PIAS1: variants seen among roughly 807,000 people sequenced by gnomAD.
PIAS1 encodes the protein protein inhibitor of activated STAT 1.
Under a neutral mutation model 71.3 loss-of-function variants are expected in PIAS1, and 6 were observed. The observed-to-expected ratio is 0.08, with a 90% confidence interval of 0.05 to 0.17. The LOEUF (loss-of-function observed/expected upper bound fraction) is 0.17. Among genes scored for constraint, PIAS1 ranks in the 10% least tolerant of loss-of-function variants. PIAS1 has a pLI of 1.00. For synonymous variants in PIAS1, 303 were observed against 292.9 expected, an observed-to-expected ratio of 1.03 and a Z score of -0.35; for missense variants, 555 against 793.6, an observed-to-expected ratio of 0.70 and a Z score of 3.61.
chr15:68,098,538 T>C (rs1210584369), intron 2 of PIAS1, among the ~76,000 whole-genome samples: 2 of 152,188 alleles, frequency 1.3e-5, no homozygotes, highest in African/African-American at 4.8e-5. Context: ...AATTTTTTGA[T>C]TGTTTTTAAA....
At chr15:68,102,023 A>T (rs566007541) in intron 2 of PIAS1, among the ~76,000 whole-genome samples, 1 of 152,364 alleles carries the variant, frequency 6.6e-6, no homozygotes, top group African/African-American at 2.4e-5. Flanking sequence ...GGCGTGAGCC[A>T]CAGTGCCTAG....
chr15:68,075,084 T>C (rs1046216405), intron 1 of PIAS1, among the ~76,000 whole-genome samples: 5 of 134,530 alleles, frequency 3.7e-5, no homozygotes, highest in East Asian at 2.1e-4. Flanking sequence ...CTTTCTTTTT[T>C]TTTTTTTTTT....
chr15:68,072,000 G>A (rs2092102081), intron 1 of PIAS1, among the ~76,000 whole-genome samples: 1 of 151,726 alleles, frequency 6.6e-6, no homozygotes, highest in African/African-American at 2.4e-5. Flanking sequence ...TGAAGCAAGG[G>A]TAACAGCATG....
intron 2 of PIAS1, among the ~76,000 whole-genome samples, chr15:68,137,577 T>C (rs2092742443): frequency 6.6e-6 from 1 of 152,048 alleles, no homozygotes; most frequent in Non-Finnish European, 1.5e-5. Flanking sequence ...AATAAACCTA[T>C]GTTATGAGAG....
intron 6 of PIAS1, among the ~76,000 whole-genome samples, chr15:68,151,938 A>ATTTTTT (rs1567065720): frequency 1.6e-4 from 6 of 37,378 alleles, no homozygotes; most frequent in East Asian, 1.0e-3. Context: ...AAAATTTAGG[A>ATTTTTT]ATTTTTTTTT....
chr15:68,076,592 G>A (rs2092168250), intron 1 of PIAS1, among the ~76,000 whole-genome samples: 1 of 152,166 alleles, frequency 6.6e-6, no homozygotes, highest in Non-Finnish European at 1.5e-5. Flanking sequence ...TTCATTTGTA[G>A]CCTTAAATTT....
At chr15:68,145,934 T>C (rs2092804862) in intron 5 of PIAS1, 28 bp downstream of exon 5, 1 of 1,263,552 alleles carries the variant, frequency 7.9e-7, no homozygotes, top group Non-Finnish European at 1.2e-6. Flanking sequence ...TTTTTTAAAA[T>C]TCATTGCCAA....
rs561918142 is a variant in PIAS1 at position 68,178,530 on chromosome 15, C to T, written c.1481+1876C>T. ...CTGAGTAGGAGAAAAGGAAAAGTCA[C>T]ATTACCTAAAGTTAGAACAAGTATC... is the stretch of plus-strand genomic sequence containing the variant. On this transcript the variant is annotated intron_variant, in intron 11 of 13. Coordinates refer to ENST00000249636, the MANE Select transcript of PIAS1 (RefSeq NM_016166.3). This position sits in a 1 kb window ranked among gnomAD's most constrained non-coding sequence, Gnocchi z 4.2. Among the ~76,000 whole-genome samples, 175 of 152,260 alleles carry T rather than the reference C, an allele frequency of 1.1e-3. No homozygotes were observed. The highest frequency in any genetic ancestry group is 4.0e-3 in the African/African-American group (166 of 41,546).
chr15:68,166,090 G>GT (rs1342874506), intron 8 of PIAS1, among the ~76,000 whole-genome samples: 1 of 152,038 alleles, frequency 6.6e-6, no homozygotes, highest in African/African-American at 2.4e-5. Context: ...ATTAGTTTCT[G>GT]TAAGTTATAG....
chr15:68,139,558 A>G (rs2092755936), intron 2 of PIAS1, among the ~76,000 whole-genome samples: 1 of 152,208 alleles, frequency 6.6e-6, no homozygotes, highest in Non-Finnish European at 1.5e-5. Flanking sequence ...GTGTGTGCTA[A>G]TTCCCTTGAT....
intron 2 of PIAS1, among the ~76,000 whole-genome samples, chr15:68,140,212 A>G (rs899833839): frequency 1.3e-5 from 2 of 152,210 alleles, no homozygotes; most frequent in African/African-American, 4.8e-5. Flanking sequence ...AAACCTATAT[A>G]TATCCAAAAC....
intron 1 of PIAS1, among the ~76,000 whole-genome samples, chr15:68,075,498 A>T (rs2092152873): frequency 1.3e-5 from 2 of 152,050 alleles, no homozygotes; most frequent in African/African-American, 2.4e-5. Flanking sequence ...AATGATCATA[A>T]TGATCTGTAA....
intron 2 of PIAS1, among the ~76,000 whole-genome samples, chr15:68,140,383 C>T (rs1427663282): frequency 6.6e-6 from 1 of 152,262 alleles, no homozygotes; most frequent in South Asian, 2.1e-4. Context: ...GATACATCCT[C>T]TAAGAAGCAA....
intron 2 of PIAS1, among the ~76,000 whole-genome samples, chr15:68,132,629 A>C (rs2092695934): frequency 6.6e-6 from 1 of 152,192 alleles, no homozygotes; most frequent in African/African-American, 2.4e-5. Flanking sequence ...AGGAAAATTA[A>C]ATTTTTCCTT....
Position 68,167,406 on chromosome 15 carries a change from A to G in PIAS1, c.1008+2602A>G, listed in dbSNP as rs777133882. On this transcript the variant is annotated intron_variant, in intron 8 of 13. Transcript: ENST00000249636. The surrounding 1 kb of genome is among the most constrained non-coding windows in gnomAD (Gnocchi z 4.4). The stretch of plus-strand genomic sequence containing the variant: ...GATTTGTGCTCTTTGAAATATGTAA[A>G]TATGATGTCTCACTGTGCATTACAG... Among the ~76,000 whole-genome samples, 23 of 152,196 alleles carry G rather than the reference A, an allele frequency of 1.5e-4. No individual in the cohort carries two copies. Among genetic ancestry groups the G allele is most frequent in the Admixed American group, 4.6e-4 (7 of 15,274 alleles).
intron 2 of PIAS1, among the ~76,000 whole-genome samples, chr15:68,091,871 A>G (rs1393441010): frequency 2.0e-5 from 3 of 152,226 alleles, no homozygotes; most frequent in Non-Finnish European, 4.4e-5. Context: ...TTTTGTTACC[A>G]ACAGAATGGT....
intron 2 of PIAS1, among the ~76,000 whole-genome samples, chr15:68,140,342 G>T (rs1273450685): frequency 6.6e-6 from 1 of 152,136 alleles, no homozygotes; most frequent in Non-Finnish European, 1.5e-5. Context: ...TTTAAATTAG[G>T]CTAAGTCTAC....
intron 2 of PIAS1, among the ~76,000 whole-genome samples, chr15:68,131,148 G>A (rs1247095844): frequency 6.6e-6 from 1 of 152,046 alleles, no homozygotes; most frequent in African/African-American, 2.4e-5. Context: ...ACTTTAAAAG[G>A]TTTCATAAAA....
intron 2 of PIAS1, among the ~76,000 whole-genome samples, chr15:68,092,658 C>A (rs766788093): frequency 6.6e-6 from 1 of 152,160 alleles, no homozygotes; most frequent in African/African-American, 2.4e-5. Context: ...AGGGCGTGGC[C>A]CTTATGGATG....
Sources: allele counts gnomAD v4.1 joint callset (sites outside exome capture counted in the v4.1 genomes callset), GRCh38; gene constraint gnomAD v4.1.1; non-coding constraint Gnocchi (gnomAD v3.1); transcripts MANE v1.5; gene names NCBI Gene and HGNC (gene_info 2026-07-23, HGNC 2026-07-21).